The following FGD3 variants were observed in gnomAD, a reference collection of about 807,000 sequenced individuals.
FGD3 encodes the protein FYVE, RhoGEF and PH domain-containing protein 3.
Under a neutral mutation model 71.8 loss-of-function variants are expected in FGD3, and 45 were observed. The observed-to-expected ratio is 0.63, with a 90% CI of 0.49 to 0.80. The LOEUF is 0.80. Among genes scored for constraint, FGD3 ranks in the 30% least tolerant of loss-of-function variants. The probability of loss-of-function intolerance (pLI) is 0.00; values close to 1 mark genes in which losing one functional copy is unlikely to be tolerated. For missense variants in FGD3, 844 were observed against 951.5 expected, an observed-to-expected ratio of 0.89 and a Z score of 1.49; for synonymous variants, 378 against 392.8, an observed-to-expected ratio of 0.96 and a Z score of 0.44.
At chr9:93,025,431 G>C (rs1862081378) in intron 14 of FGD3, among the ~76,000 whole-genome samples, 1 of 152,230 alleles carries the variant, frequency 6.6e-6, no homozygotes, top group South Asian at 2.1e-4. Context: ...TTGAGACTAG[G>C]GTAGGAGCTG....
At chr9:93,005,102 A>G (rs148717142) in intron 5 of FGD3, among the ~76,000 whole-genome samples, 158 of 151,998 alleles carry the variant, frequency 1.0e-3, no homozygotes, top group African/African-American at 3.6e-3. Context: ...CAGGGGTCCA[A>G]TGACTTAGCC....
Position 93,035,465 on chromosome 9 carries a change from C to T in FGD3, c.2054C>T (p.Ala685Val), listed in dbSNP as rs377497500. ...GCCAAGCAGTCCTGGTACCTGAGCGCCTCCTCCGCAGAGCTGCAGCAGCAG... is the reference window on the plus strand; with the variant it reads ...GCCAAGCAGTCCTGGTACCTGAGCGTCTCCTCCGCAGAGCTGCAGCAGCAG... ...QWAKQSWYLS[A>V]SSAELQQQWL... Residue 685 changes from alanine to valine, a missense_variant, in exon 18 of 18, where the codon GCC becomes GTC. By Grantham distance (64) the Ala-to-Val change is moderately conservative. Transcript: ENST00000375482. 9 of 1,613,414 alleles carry T rather than the reference C, an allele frequency of 5.6e-6. No homozygotes were observed. The African/African-American group carries it at 8.0e-5, about 14-fold the overall frequency.
In FGD3 at chr9:93,035,771, G is replaced by A; in HGVS notation, c.*182G>A. 1 of 920,410 alleles carries A rather than the reference G, an allele frequency of 1.1e-6. No individual in the cohort carries two copies. The highest frequency in any genetic ancestry group is 1.5e-6 in the Non-Finnish European group (1 of 649,860). 57.0% of individuals were successfully genotyped at this position (920,410 alleles called of 1,614,324 possible). On this transcript the variant is annotated 3_prime_UTR_variant, in exon 18 of 18. Transcript: ENST00000375482. ...CCAGAGAGGGGCAACCACTGGCCAA[G>A]GGTCACCCAGCAAGTTTTGGCTAAG... is the stretch of plus-strand genomic sequence containing the variant.
chr9:93,018,326 A>G (rs922840592), intron 11 of FGD3, 111 bp downstream of exon 11: 4 of 998,722 alleles, frequency 4.0e-6, no homozygotes, highest in Middle Eastern at 4.3e-4. Context: ...ATTTAAAAGT[A>G]CTGTTACTGA....
chr9:92,958,323 A>G (rs1429845716), intron 1 of FGD3, among the ~76,000 whole-genome samples: 1 of 152,162 alleles, frequency 6.6e-6, no homozygotes, highest in African/African-American at 2.4e-5. Context: ...TTTTTATAGC[A>G]GTTTTACATT....
chr9:93,027,138 G>A (rs1315192172), intron 14 of FGD3, among the ~76,000 whole-genome samples: 4 of 152,210 alleles, frequency 2.6e-5, no homozygotes, highest in African/African-American at 9.6e-5. Flanking sequence ...GCAGCACAGC[G>A]AGTGAGAGTC....
At chr9:92,971,948 C>T (rs1222017109) in intron 1 of FGD3, among the ~76,000 whole-genome samples, 20 of 143,356 alleles carry the variant, frequency 1.4e-4, no homozygotes, top group Non-Finnish European at 2.9e-4. Flanking sequence ...CCCCCTCCAC[C>T]CATCCACCCC....
intron 3 of FGD3, among the ~76,000 whole-genome samples, chr9:92,997,297 C>T (rs1860684906): frequency 6.6e-6 from 1 of 152,122 alleles, no homozygotes; most frequent in Non-Finnish European, 1.5e-5. Context: ...AGGATTGCAA[C>T]CCCTGCTTTT....
chr9:93,035,219 A>C, intron 17 of FGD3, 119 bp from the exon 18 acceptor site: 3 of 1,414,032 alleles, frequency 2.1e-6, no homozygotes, highest in Non-Finnish European at 2.8e-6. Flanking sequence ...CCTCGGGCTC[A>C]GCACCTGCCT....
At chr9:93,002,545 G>C (rs888377920) in intron 3 of FGD3, among the ~76,000 whole-genome samples, 11 of 152,102 alleles carry the variant, frequency 7.2e-5, no homozygotes, top group African/African-American at 2.7e-4. Flanking sequence ...TCTTTTCTTG[G>C]CTTTATAATG....
At chr9:93,034,791 G>A in intron 17 of FGD3, 110 bp downstream of exon 17, 1 of 1,236,636 alleles carries the variant, frequency 8.1e-7, no homozygotes. Flanking sequence ...CTTGAGCAGT[G>A]TTACCTGGGG....
Position 93,035,597 on chromosome 9 carries a change from C to A in FGD3, c.*8C>A, listed in dbSNP as rs2118855538. ...GGCGCAGCTGCTCCGTGAGCTGAGTCTCCCACTGCCCTGCACACCACCACA... is the reference window on the plus strand; with the variant it reads ...GGCGCAGCTGCTCCGTGAGCTGAGTATCCCACTGCCCTGCACACCACCACA... On this transcript the variant is annotated 3_prime_UTR_variant, in exon 18 of 18. Coordinates refer to ENST00000375482, the MANE Select transcript of FGD3 (RefSeq NM_001083536.2). The A allele has an allele frequency of 1.3e-6, 2 of 1,578,672 alleles. No homozygotes were observed. The highest frequency in any genetic ancestry group is 1.7e-5 in the Admixed American group (1 of 59,000).
At position 92,951,569 on chromosome 9, in the gene FGD3, G is replaced by C. The variant is rs12335599; in HGVS notation, c.-218+3840G>C. ...CATGCGCCTGTAGTCCCAGCTACTC[G>C]GGAGACTGAGGTGGGAGGATTGCTT... On this transcript the variant is annotated intron_variant, in intron 1 of 17. Transcript: ENST00000375482. 5.8e-4 allele frequency among the ~76,000 whole-genome samples: 89 copies of C among 152,296 alleles called. 1 individual carries two copies. In the East Asian group the frequency reaches 0.013, roughly 22 times the overall value.
intron 15 of FGD3, among the ~76,000 whole-genome samples, chr9:93,031,727 T>C (rs1412643999): frequency 6.6e-6 from 1 of 152,136 alleles, no homozygotes; most frequent in Non-Finnish European, 1.5e-5. Flanking sequence ...AGGTTCAAAC[T>C]AGAATTTCCC....
At chr9:93,010,080 TTCCCTCGTTGTA>T (rs1861248928) in intron 6 of FGD3, among the ~76,000 whole-genome samples, 154 bp from the exon 7 acceptor site, 1 of 152,178 alleles carries the variant, frequency 6.6e-6, no homozygotes, top group Non-Finnish European at 1.5e-5. Context: ...GAGCCTCAGT[TTCCCTCGTTGTA>T]AAGTGTGGTC....
intron 13 of FGD3, among the ~76,000 whole-genome samples, chr9:93,021,133 C>T (rs997644304): frequency 6.6e-6 from 1 of 152,220 alleles, no homozygotes. Context: ...TCTGTCTGGT[C>T]TAGCACAGCC....
At chr9:93,030,853 G>A (rs1339372650) in intron 15 of FGD3, among the ~76,000 whole-genome samples, 1 of 152,140 alleles carries the variant, frequency 6.6e-6, no homozygotes, top group Non-Finnish European at 1.5e-5. Context: ...TGGATGGATG[G>A]ATGAGGGGAT....
chr9:93,019,297 A>G (rs1861823477), intron 11 of FGD3, among the ~76,000 whole-genome samples: 1 of 152,142 alleles, frequency 6.6e-6, no homozygotes, highest in Non-Finnish European at 1.5e-5. Context: ...AAAGCAACAC[A>G]ATTTTCCATT....
Position 93,011,284 on chromosome 9 carries a change from G to C in FGD3, c.1035+12G>C, listed in dbSNP as rs1861356795. ...CCATTCGGAAAGTGGTGAGTGTGGG[G>C]CTCCAGTGGCGACCGGCAGGGTGGT... On this transcript the variant is annotated intron_variant, in intron 8 of 17. Transcript: ENST00000375482. The C allele has an allele frequency of 1.2e-6, 2 of 1,614,098 alleles. No homozygotes were observed. The highest frequency in any genetic ancestry group is 1.7e-4 in the Middle Eastern group (1 of 6,056).
Sources: gnomAD v4.1 joint callset for allele counts (sites outside exome capture counted in the v4.1 genomes callset) on GRCh38, gnomAD v4.1.1 for gene constraint, MANE v1.5 for transcripts, NCBI Gene and HGNC (gene_info 2026-07-23, HGNC 2026-07-21) for gene names.